Variants in PCBP3 observed in about 807,000 individuals in gnomAD.
PCBP3 encodes poly(rC) binding protein 3.
PCBP3 carries 25 observed loss-of-function variants against 52.7 expected under a neutral mutation model. The observed-to-expected ratio is 0.47, with a 90% confidence interval of 0.35 to 0.66. PCBP3 has a LOEUF of 0.66. Among genes scored for constraint, PCBP3 ranks in the 30% least tolerant of loss-of-function variants. PCBP3 has a pLI of 0.01. For missense variants in PCBP3, 391 were observed against 490.3 expected (o/e 0.80, Z 1.91); for synonymous variants, 162 against 183.0 (o/e 0.89, Z 0.93).
intron 2 of PCBP3, among the ~76,000 whole-genome samples, chr21:45,696,340 C>T (rs1313042412): frequency 6.6e-6 from 1 of 151,928 alleles, no homozygotes; most frequent in Non-Finnish European, 1.5e-5. Flanking sequence ...AGAAGTTGGA[C>T]TTTATTAAAA....
At chr21:45,739,049 T>C (rs2086139191) in intron 3 of PCBP3, among the ~76,000 whole-genome samples, 1 of 98,494 alleles carries the variant, frequency 1.0e-5, no homozygotes, top group Non-Finnish European at 1.9e-5. Flanking sequence ...CACCCCTTCC[T>C]GTCCACGGTC....
rs1035382124 is a variant in PCBP3 at position 45,788,317 on chromosome 21, C to T, written c.-126+32865C>T. 2 of 152,440 alleles carry T rather than the reference C, an allele frequency of 1.3e-5. No homozygotes were observed. Among genetic ancestry groups the T allele is most frequent in the Non-Finnish European group, 1.5e-5 (1 of 68,228 alleles). The allele number at this position is 152,440 out of a possible 1,614,324, so 9.4% of individuals were successfully genotyped here. ...TGGTAGATGGACAGTGTGTCACCCT[C>T]GGGGAGCAGGTGGGCTGGCAGGACA... On this transcript the variant is annotated intron_variant, in intron 4 of 17. Transcript: ENST00000681687. The surrounding 1 kb of genome is among the most constrained non-coding windows in gnomAD (Gnocchi z 4.3).
Position 45,876,660 on chromosome 21 carries a change from A to G in PCBP3, c.11-19548A>G, listed in dbSNP as rs531365225. 6.6e-5 allele frequency among the ~76,000 whole-genome samples: 10 copies of G among 152,344 alleles called. No homozygotes were observed. The East Asian group carries it at 1.7e-3, about 27-fold the overall frequency. On this transcript the variant is annotated intron_variant, in intron 5 of 17. Transcript: ENST00000681687. ...AGTGCATGTGAGGCTCTCAAGGAGA[A>G]TGTGGCAGCTAATCTGCCCTGTCAT...
chr21:45,940,276 G>C (rs561392731), intron 17 of PCBP3, 77 bp downstream of exon 17: 1 of 1,321,744 alleles, frequency 7.6e-7, no homozygotes, highest in Non-Finnish European at 1.0e-6. Context: ...CTGGACGGTC[G>C]GGGGGTGGGA....
chr21:45,658,994 G>A (rs2080202247), intron 1 of PCBP3, among the ~76,000 whole-genome samples: 1 of 150,676 alleles, frequency 6.6e-6, no homozygotes, highest in African/African-American at 2.4e-5. Flanking sequence ...CTGTAAGGTT[G>A]GTAGTTTTCT....
intron 4 of PCBP3, among the ~76,000 whole-genome samples, chr21:45,808,395 C>T (rs1603438962): frequency 6.6e-6 from 1 of 152,162 alleles, no homozygotes; most frequent in African/African-American, 2.4e-5. Flanking sequence ...TGAACAGTCA[C>T]TTCTCAAAAG....
chr21:45,737,558 G>A lies in PCBP3; in HGVS notation c.-162+2129G>A, dbSNP rs1467623016. On this transcript the variant is annotated intron_variant, in intron 3 of 17. Coordinates refer to ENST00000681687, the MANE Select transcript of PCBP3 (RefSeq NM_001384156.1). This position sits in a 1 kb window ranked among gnomAD's most constrained non-coding sequence, Gnocchi z 4.9. ...TGGAAATAAACCAGCGTGCTGGGGT[G>A]GGGCGAGCCCGACCATGCAAGCCAT... is the stretch of plus-strand genomic sequence containing the variant. Among the ~76,000 whole-genome samples the A allele has an allele frequency of 3.3e-5, 5 of 152,192 alleles. No homozygotes were observed. The highest frequency in any genetic ancestry group is 1.2e-4 in the African/African-American group (5 of 41,444).
intron 6 of PCBP3, among the ~76,000 whole-genome samples, chr21:45,897,955 C>G (rs1468914999): frequency 6.6e-6 from 1 of 152,160 alleles, no homozygotes; most frequent in African/African-American, 2.4e-5. Context: ...GCGTGGCCTC[C>G]CGCCGGGAGG....
chr21:45,798,045 C>T (rs142929698), intron 4 of PCBP3, among the ~76,000 whole-genome samples: 7,449 of 130,638 alleles, frequency 0.057, 166 homozygotes, highest in Middle Eastern at 0.13. Flanking sequence ...TGCATGGATC[C>T]GTAGAGAGAG....
intron 1 of PCBP3, among the ~76,000 whole-genome samples, chr21:45,664,507 A>C (rs2080643442): frequency 6.6e-6 from 1 of 151,690 alleles, no homozygotes; most frequent in African/African-American, 2.4e-5. Flanking sequence ...ATTCAAATAT[A>C]CAGGATAGAA....
intron 2 of PCBP3, among the ~76,000 whole-genome samples, chr21:45,733,007 T>C (rs2085572080): frequency 1.3e-5 from 2 of 152,302 alleles, no homozygotes; most frequent in South Asian, 2.1e-4. Flanking sequence ...TACACATATA[T>C]TTTTGTCTTT....
rs777177398 is a variant in PCBP3, at chr21:45,917,573, T to C, written c.676-15T>C. 6 of 1,593,908 alleles carry C rather than the reference T, an allele frequency of 3.8e-6. No homozygotes were observed. The highest frequency in any genetic ancestry group is 5.2e-6 in the Non-Finnish European group (6 of 1,164,350). ...AGCCAGGTTGCAGTCTGACGGGGTC[T>C]CTCTCTCTCTCTAGGCCTACACAAT... On this transcript the variant is annotated splice_polypyrimidine_tract_variant and intron_variant, in intron 12 of 17. Transcript: ENST00000681687. This position sits in a 1 kb window ranked among gnomAD's most constrained non-coding sequence, Gnocchi z 5.3.
At chr21:45,678,318 A>AAAT (rs1569107453) in intron 2 of PCBP3, among the ~76,000 whole-genome samples, 5 of 150,632 alleles carry the variant, frequency 3.3e-5, no homozygotes, top group African/African-American at 2.4e-5. Flanking sequence ...AAAAAAAAAA[A>AAAT]AATAATAATA....
At chr21:45,893,838 G>C in intron 5 of PCBP3, 1 of 985,438 alleles carries the variant, frequency 1.0e-6, no homozygotes, top group Non-Finnish European at 1.2e-6. Flanking sequence ...GTCCCATGGG[G>C]CCTTGGATGC....
chr21:45,763,596 C>A (rs1044430913), intron 4 of PCBP3: 1 of 152,238 alleles, frequency 6.6e-6, no homozygotes. Flanking sequence ...GCAGAGGGCA[C>A]CCCCAGATGA....
chr21:45,767,800 C>G (rs1010701095), intron 4 of PCBP3, among the ~76,000 whole-genome samples: 1 of 152,226 alleles, frequency 6.6e-6, no homozygotes, highest in Non-Finnish European at 1.5e-5. Flanking sequence ...ATGTCAGGCC[C>G]CAGGCCCCTG....
chr21:45,894,586 A>G (rs971874540), intron 5 of PCBP3, among the ~76,000 whole-genome samples: 2 of 152,214 alleles, frequency 1.3e-5, no homozygotes, highest in African/African-American at 4.8e-5. Flanking sequence ...ACTACTTAGA[A>G]TGAGTCACTG....
intron 5 of PCBP3, among the ~76,000 whole-genome samples, chr21:45,892,256 C>T (rs534538196): frequency 9.2e-5 from 14 of 152,294 alleles, no homozygotes; most frequent in South Asian, 4.1e-4. Flanking sequence ...CGGCAGTCAC[C>T]GTTTCCTGTC....
At chr21:45,906,417 C>T (rs999073445) in intron 9 of PCBP3, among the ~76,000 whole-genome samples, 2 of 140,496 alleles carry the variant, frequency 1.4e-5, no homozygotes, top group African/African-American at 2.5e-5. Context: ...GGGGTCGGGC[C>T]GGGGAGGCCT....
Sources: allele counts gnomAD v4.1 joint callset (sites outside exome capture counted in the v4.1 genomes callset), GRCh38; gene constraint gnomAD v4.1.1; non-coding constraint Gnocchi (gnomAD v3.1); transcripts MANE v1.5; gene names NCBI Gene and HGNC (gene_info 2026-07-23, HGNC 2026-07-21).